The following NAP1L1 variants were observed in gnomAD, a reference collection of about 807,000 sequenced individuals.
NAP1L1 encodes the protein nucleosome assembly protein 1-like 1.
A neutral mutation model predicts 58.9 loss-of-function variants in NAP1L1; 9 were observed. The observed-to-expected ratio is 0.15, with a 90% CI of 0.09 to 0.27. The LOEUF (loss-of-function observed/expected upper bound fraction) is 0.27. Ranked by LOEUF, NAP1L1 falls within the 10% of genes least tolerant of loss-of-function variation. The pLI is 1.00. For synonymous variants in NAP1L1, 130 were observed against 138.3 expected, an observed-to-expected ratio of 0.94 and a Z score of 0.42; for missense variants, 302 against 458.8, an observed-to-expected ratio of 0.66 and a Z score of 3.12.
At chr12:76,075,697 TG>T (rs1157193713) in intron 1 of NAP1L1, among the ~76,000 whole-genome samples, 1 of 152,202 alleles carries the variant, frequency 6.6e-6, no homozygotes, top group African/African-American at 2.4e-5. Flanking sequence ...AGAAAAATAC[TG>T]AACTCTGACA....
chr12:76,061,454 A>G (rs1303757058), intron 4 of NAP1L1, among the ~76,000 whole-genome samples: 1 of 152,242 alleles, frequency 6.6e-6, no homozygotes, highest in Non-Finnish European at 1.5e-5. Flanking sequence ...CACAAAAGAC[A>G]TGATCTCGTT....
At chr12:76,083,669 G>A (rs111756836) in intron 1 of NAP1L1, among the ~76,000 whole-genome samples, 1 of 152,114 alleles carries the variant, frequency 6.6e-6, no homozygotes, top group African/African-American at 2.4e-5. Context: ...GCTAATAACA[G>A]TTAATATAAG....
chr12:76,060,438 A>G (rs1949355255), intron 4 of NAP1L1, among the ~76,000 whole-genome samples, 159 bp from the exon 5 acceptor site: 2 of 152,248 alleles, frequency 1.3e-5, no homozygotes, highest in Admixed American at 1.3e-4. Context: ...AGATATAAAT[A>G]CATTGATCCA....
At chr12:76,050,508 T>C (rs774777126) in intron 12 of NAP1L1, 23 bp downstream of exon 12, 49 of 1,593,380 alleles carry the variant, frequency 3.1e-5, no homozygotes, top group Non-Finnish European at 4.1e-5. Flanking sequence ...AATTATTTCT[T>C]TGCAGGATTC....
chr12:76,062,242 T>C (rs1191110489), intron 4 of NAP1L1, among the ~76,000 whole-genome samples: 1 of 152,190 alleles, frequency 6.6e-6, no homozygotes, highest in East Asian at 1.9e-4. Flanking sequence ...CAAAGGAGAC[T>C]AGTCCCCCAC....
chr12:76,059,098 C>A (rs2137008066), intron 6 of NAP1L1, among the ~76,000 whole-genome samples: 1 of 152,266 alleles, frequency 6.6e-6, no homozygotes, highest in Middle Eastern at 3.4e-3. Context: ...TGAAAGTATT[C>A]ATCACAATAT....
intron 13 of NAP1L1, chr12:76,049,453 T>C (rs1158511440): frequency 3.2e-5 from 49 of 1,535,624 alleles, no homozygotes; most frequent in South Asian, 1.4e-4. Context: ...ACAGCTTTTA[T>C]TGAAAATAGT....
chr12:76,076,590 A>ATATATATC (rs1555186511), intron 1 of NAP1L1, among the ~76,000 whole-genome samples: 2 of 137,932 alleles, frequency 1.4e-5, no homozygotes, highest in African/African-American at 5.7e-5. Flanking sequence ...ATATATATAT[A>ATATATATC]TATCTCCACT....
chr12:76,077,880 A>G (rs1042888954), intron 1 of NAP1L1, among the ~76,000 whole-genome samples: 1 of 147,172 alleles, frequency 6.8e-6, no homozygotes, highest in African/African-American at 2.5e-5. Context: ...GCTACTCAGG[A>G]GGCTGAGGCA....
chr12:76,058,136 T>G (rs1260300781), intron 6 of NAP1L1: 13 of 691,156 alleles, frequency 1.9e-5, no homozygotes, highest in South Asian at 5.5e-5. Flanking sequence ...ATTTGAAAAT[T>G]TGTCTGTAGT....
Position 76,073,858 on chromosome 12 carries a change from G to A in NAP1L1, c.17+345C>T, listed in dbSNP as rs1033459041. 2.0e-5 allele frequency: 4 copies of A among 197,252 alleles called. No individual in the cohort carries two copies. In the South Asian group the frequency reaches 5.3e-4, roughly 26 times the overall value. 12.2% of individuals were successfully genotyped at this position (197,252 alleles called of 1,614,324 possible). On this transcript the variant is annotated intron_variant, in intron 2 of 14. Coordinates refer to ENST00000618691, the MANE Select transcript of NAP1L1 (RefSeq NM_004537.7). ...TATAAATACATTTTATACACATTTTGGGTGTTTGGTACATTACAATGCAAG... is the reference window on the plus strand; with the variant it reads ...TATAAATACATTTTATACACATTTTAGGTGTTTGGTACATTACAATGCAAG...
rs1413531972 is a variant in NAP1L1 at position 76,038,372 on chromosome 12, T to C, written c.*10057A>G. The C allele has an allele frequency of 2.6e-5, 4 of 152,194 alleles. No individual in the cohort carries two copies. The highest frequency in any genetic ancestry group is 2.6e-4 in the Admixed American group (4 of 15,282). 9.4% of individuals were successfully genotyped at this position (152,194 alleles called of 1,614,324 possible). On this transcript the variant is annotated 3_prime_UTR_variant, in exon 15 of 15. Transcript: ENST00000618691. Reference sequence around the variant, plus strand: ...CATTTAAGGAACTAAATTCCAAGGATATTTCCCTCTTTTGCTGTCATTTTT... The same window carrying C: ...CATTTAAGGAACTAAATTCCAAGGACATTTCCCTCTTTTGCTGTCATTTTT...
intron 4 of NAP1L1, among the ~76,000 whole-genome samples, chr12:76,066,053 T>TA (rs751319470): frequency 0.01 from 1,197 of 117,274 alleles, 10 homozygotes; most frequent in Non-Finnish European, 0.014. Flanking sequence ...GAATAGTGTT[T>TA]AAAAAAAAAA....
At position 76,055,085 on chromosome 12, in the gene NAP1L1, G is replaced by A. The variant is rs201602871; in HGVS notation, c.564C>T (p.His188=). 1.9e-5 allele frequency: 30 copies of A among 1,591,330 alleles called. No homozygotes were observed. The highest frequency in any genetic ancestry group is 7.0e-5 in the Admixed American group (4 of 57,442). ...VDLLSDMVQE[H]DEPILKHLKD... is the part of the protein sequence containing the mutation. Reference sequence around the variant, plus strand: ...TCAAGTGCTTCAGAATAGGTTCATCGTGTTCCTTCAAATTAAAAAAATAAT... The same window carrying A: ...TCAAGTGCTTCAGAATAGGTTCATCATGTTCCTTCAAATTAAAAAAATAAT... The change falls in exon 8 of 15, where the codon CAC becomes CAT. Residue 188 remains histidine, a synonymous_variant. Coordinates refer to ENST00000618691, the MANE Select transcript of NAP1L1 (RefSeq NM_004537.7).
chr12:76,055,423 C>A (rs992628746), intron 7 of NAP1L1, among the ~76,000 whole-genome samples: 4 of 152,190 alleles, frequency 2.6e-5, no homozygotes, highest in African/African-American at 9.6e-5. Flanking sequence ...TTGTCCCCTT[C>A]CTCCTGGTCG....
intron 3 of NAP1L1, among the ~76,000 whole-genome samples, chr12:76,068,097 TTCA>T (rs1565737398): frequency 6.6e-6 from 1 of 152,212 alleles, no homozygotes; most frequent in Non-Finnish European, 1.5e-5. Flanking sequence ...TAACCTTCTC[TTCA>T]TCATCAATAC....
intron 14 of NAP1L1, chr12:76,048,918 A>G (rs1565712247): frequency 2.1e-6 from 1 of 474,386 alleles, no homozygotes; most frequent in Admixed American, 3.8e-5. Flanking sequence ...TAATGCTTAA[A>G]AACTGTTACA....
intron 6 of NAP1L1, chr12:76,056,446 A>C (rs1592630494): frequency 5.5e-6 from 2 of 366,820 alleles, no homozygotes. Context: ...TAAGCATAAT[A>C]AACAAGAAAA....
In NAP1L1 at chr12:76,045,422, G is replaced by C. The variant is rs1005602703; in HGVS notation, c.*3007C>G. ...GTCTTTATTTTTAATAATGGGAATG[G>C]CCTACAATTACAATAAACAATTAAT... On this transcript the variant is annotated 3_prime_UTR_variant, in exon 15 of 15. Transcript: ENST00000618691. 3.3e-5 allele frequency: 5 copies of C among 151,910 alleles called. No individual in the cohort carries two copies. The highest frequency in any genetic ancestry group is 1.2e-4 in the African/African-American group (5 of 41,392). The allele number at this position is 151,910 out of a possible 1,614,324, so 9.4% of individuals were successfully genotyped here.
Sources: gnomAD v4.1 joint callset for allele counts (sites outside exome capture counted in the v4.1 genomes callset) on GRCh38, gnomAD v4.1.1 for gene constraint, MANE v1.5 for transcripts, NCBI Gene and HGNC (gene_info 2026-07-23, HGNC 2026-07-21) for gene names.